Variants in TAS2R1 observed in about 807,000 individuals in gnomAD.
The protein encoded by TAS2R1 is taste receptor type 2 member 1.
For missense variants in TAS2R1, 370 were observed against 353.4 expected, an observed-to-expected ratio of 1.05 and a Z score of -0.38; for synonymous variants, 141 against 134.2, an observed-to-expected ratio of 1.05 and a Z score of -0.35.
At chr5:9,705,345 A>T (rs190831299) in intron 1 of TAS2R1, among the ~76,000 whole-genome samples, 7 of 152,330 alleles carry the variant, frequency 4.6e-5, no homozygotes, top group Admixed American at 4.6e-4. Flanking sequence ...TCTTTAAGTT[A>T]TATCTTGTGA....
At chr5:9,631,133 A>C (rs999075799), upstream of TAS2R1, among the ~76,000 whole-genome samples, 19 of 152,212 alleles carry the variant, frequency 1.2e-4, no homozygotes, top group African/African-American at 4.6e-4. Context: ...CAAGAGTGGC[A>C]GAACCACTAT....
chr5:9,817,696 A>G, the TAS2R1 span, among the ~76,000 whole-genome samples: 1 of 152,212 alleles, frequency 6.6e-6, no homozygotes, highest in East Asian at 1.9e-4. Flanking sequence ...CTGAGCTCGT[A>G]TGAATTTGTT....
the TAS2R1 span, among the ~76,000 whole-genome samples, chr5:9,780,698 C>T: frequency 5.1e-4 from 74 of 146,060 alleles, no homozygotes; most frequent in Admixed American, 9.4e-4. Flanking sequence ...TGTGCGCGCG[C>T]GCGCGCATGC....
At chr5:9,700,358 G>T (rs1458195364) in intron 1 of TAS2R1, among the ~76,000 whole-genome samples, 1 of 152,154 alleles carries the variant, frequency 6.6e-6, no homozygotes, top group Admixed American at 6.5e-5. Context: ...AATACGAATT[G>T]TGATCTTAGG....
At chr5:9,875,987 T>C in the TAS2R1 span, among the ~76,000 whole-genome samples, 1 of 152,132 alleles carries the variant, frequency 6.6e-6, no homozygotes, top group Admixed American at 6.5e-5. Context: ...CTTTGCCCCA[T>C]GTCTTCAGAG....
the TAS2R1 span, among the ~76,000 whole-genome samples, chr5:9,732,429 AG>A: frequency 6.8e-4 from 103 of 152,280 alleles, 1 homozygote; most frequent in African/African-American, 2.4e-3. Flanking sequence ...TTTACATATA[AG>A]GCTCTCCAGG....
chr5:9,794,970 G>T, the TAS2R1 span, among the ~76,000 whole-genome samples: 2 of 152,182 alleles, frequency 1.3e-5, no homozygotes, highest in Admixed American at 1.3e-4. Flanking sequence ...ACATATTCAT[G>T]AAGTACATAG....
At chr5:9,866,055 T>G in the TAS2R1 span, among the ~76,000 whole-genome samples, 7 of 152,198 alleles carry the variant, frequency 4.6e-5, no homozygotes, top group African/African-American at 1.4e-4. Flanking sequence ...CCCATATATC[T>G]CTTACTTACT....
chr5:9,835,791 A>T, the TAS2R1 span, among the ~76,000 whole-genome samples: 9 of 152,084 alleles, frequency 5.9e-5, no homozygotes, highest in African/African-American at 2.4e-5. Flanking sequence ...ACCTCTCTCA[A>T]CTCAGTGTCC....
the TAS2R1 span, among the ~76,000 whole-genome samples, chr5:9,842,316 C>CTTTTTTTTTTTT: frequency 4.3e-5 from 5 of 116,226 alleles, no homozygotes; most frequent in African/African-American, 1.0e-4. Context: ...TTCTTTCTCT[C>CTTTTTTTTTTTT]TTTTTTTTTT....
the TAS2R1 span, among the ~76,000 whole-genome samples, chr5:9,809,242 G>C: frequency 6.6e-6 from 1 of 152,104 alleles, no homozygotes; most frequent in Non-Finnish European, 1.5e-5. Context: ...AAATTTGGGG[G>C]GCTGTTGGGA....
At chr5:9,839,602 G>T in the TAS2R1 span, among the ~76,000 whole-genome samples, 7 of 152,174 alleles carry the variant, frequency 4.6e-5, no homozygotes, top group Non-Finnish European at 7.4e-5. Context: ...AATCCAATAA[G>T]TACAAAGTGA....
the TAS2R1 span, among the ~76,000 whole-genome samples, chr5:9,888,370 G>A: frequency 4.6e-5 from 7 of 152,094 alleles, no homozygotes; most frequent in South Asian, 4.1e-4. Flanking sequence ...CCTTGCCTAC[G>A]TTTTCTCTGT....
the TAS2R1 span, among the ~76,000 whole-genome samples, chr5:9,721,264 G>T: frequency 6.6e-6 from 1 of 152,262 alleles, no homozygotes; most frequent in South Asian, 2.1e-4. Context: ...CTTTAAAATG[G>T]TCCAGAAGAA....
At chr5:9,811,321 C>A in the TAS2R1 span, among the ~76,000 whole-genome samples, 1 of 152,184 alleles carries the variant, frequency 6.6e-6, no homozygotes, top group East Asian at 1.9e-4. Context: ...TTATAAACCA[C>A]ACAGTCTACG....
At chr5:9,803,703 G>A in the TAS2R1 span, among the ~76,000 whole-genome samples, 15 of 152,148 alleles carry the variant, frequency 9.9e-5, no homozygotes, top group Non-Finnish European at 1.6e-4. Flanking sequence ...GAGAAAATTT[G>A]CCACTATGAA....
chr5:9,762,617 C>T, the TAS2R1 span, among the ~76,000 whole-genome samples: 1 of 152,186 alleles, frequency 6.6e-6, no homozygotes, highest in Non-Finnish European at 1.5e-5. Flanking sequence ...TGAAAATCTG[C>T]AATGATCTGA....
At position 9,629,825 on chromosome 5, in the gene TAS2R1, T is replaced by A; in HGVS notation, c.208A>T (p.Ile70Phe). ...CACATGATGAATTCTATGAAGAAGA[T>A]AACAATCACATTAACGTAGAAGATG... ...LFIFYVNVIV[I>F]FFIEFIMCSA... Residue 70 changes from isoleucine (I) to phenylalanine (F), a missense_variant, in exon 1 of 1, where the codon ATC (isoleucine) becomes TTC (phenylalanine). Physicochemically the swap from Ile to Phe is conservative, Grantham distance 21. Transcript: ENST00000382492. The A allele has an allele frequency of 1.2e-6, 2 of 1,613,786 alleles. No homozygotes were observed. The highest frequency in any genetic ancestry group is 1.1e-5 in the South Asian group (1 of 91,066).
chr5:9,653,883 T>C (rs1420743289), intron 2 of TAS2R1, among the ~76,000 whole-genome samples: 1 of 152,178 alleles, frequency 6.6e-6, no homozygotes, highest in African/African-American at 2.4e-5. Flanking sequence ...ACCAAGCTTT[T>C]TGGTTACAAG....
Sources: gnomAD v4.1 joint callset for allele counts (sites outside exome capture counted in the v4.1 genomes callset) on GRCh38, gnomAD v4.1.1 for gene constraint, MANE v1.5 for transcripts, NCBI Gene and HGNC (gene_info 2026-07-23, HGNC 2026-07-21) for gene names.